ALCAM: variants seen among roughly 807,000 people sequenced by gnomAD.
ALCAM encodes the protein activated leukocyte cell adhesion molecule.
ALCAM carries 30 observed loss-of-function variants against 70.9 expected under a neutral mutation model. That is an observed-to-expected ratio of 0.42 (90% confidence interval 0.32 to 0.57). The LOEUF (loss-of-function observed/expected upper bound fraction) is 0.57. Ranked by LOEUF, ALCAM falls within the 20% of genes least tolerant of loss-of-function variation. The probability of loss-of-function intolerance (pLI) is 0.11; values close to 1 mark genes in which losing one functional copy is unlikely to be tolerated. For missense variants in ALCAM, 591 were observed against 695.1 expected (o/e 0.85, Z 1.68); for synonymous variants, 249 against 242.5 (o/e 1.03, Z -0.25).
chr3:105,532,136 C>A (rs1460633126), intron 4 of ALCAM, 70 bp downstream of exon 4: 2 of 1,278,882 alleles, frequency 1.6e-6, no homozygotes, highest in African/African-American at 1.5e-5. Context: ...ACCTTACATT[C>A]CAAGACAAGT....
chr3:105,397,713 C>T (rs1935989868), intron 1 of ALCAM, among the ~76,000 whole-genome samples: 1 of 151,946 alleles, frequency 6.6e-6, no homozygotes, highest in African/African-American at 2.4e-5. Context: ...TTAAAGAACA[C>T]TTTGTTTTCC....
Position 105,398,720 on chromosome 3 carries a change from T to C in ALCAM, c.73+31239T>C, listed in dbSNP as rs1224347837. On this transcript the variant is annotated intron_variant, in intron 1 of 15. Coordinates refer to ENST00000306107, the MANE Select transcript of ALCAM (RefSeq NM_001627.4). Reference sequence around the variant, plus strand: ...GTCATATCTTTTGTACCCTAAACCATTAACCATAGCATGTTTAGGAGAGCC... The same window carrying C: ...GTCATATCTTTTGTACCCTAAACCACTAACCATAGCATGTTTAGGAGAGCC... Among the ~76,000 whole-genome samples, 6 of 152,138 alleles carry C rather than the reference T, an allele frequency of 3.9e-5. No individual in the cohort carries two copies. The East Asian group carries it at 1.2e-3, about 29-fold the overall frequency.
intron 1 of ALCAM, among the ~76,000 whole-genome samples, chr3:105,398,826 G>A (rs1407156651): frequency 1.3e-5 from 2 of 151,716 alleles, no homozygotes; most frequent in African/African-American, 2.4e-5. Context: ...ACTGGAGATT[G>A]CTTGTTGCTT....
At chr3:105,574,214 T>A (rs573970323) in intron 15 of ALCAM, among the ~76,000 whole-genome samples, 2 of 151,970 alleles carry the variant, frequency 1.3e-5, no homozygotes, top group Non-Finnish European at 2.9e-5. Flanking sequence ...TAAAGAGAAA[T>A]GCAATGAAAT....
At chr3:105,379,368 A>G (rs1389138880) in intron 1 of ALCAM, among the ~76,000 whole-genome samples, 3 of 151,914 alleles carry the variant, frequency 2.0e-5, no homozygotes, top group Admixed American at 6.6e-5. Context: ...ATATTTTATT[A>G]GAATGTTTCA....
chr3:105,425,540 A>G (rs920537201), intron 1 of ALCAM, among the ~76,000 whole-genome samples: 1 of 151,970 alleles, frequency 6.6e-6, no homozygotes, highest in East Asian at 1.9e-4. Flanking sequence ...ATTGCACTGT[A>G]AAAATCATAT....
At chr3:105,443,675 A>G (rs1371631540) in intron 1 of ALCAM, among the ~76,000 whole-genome samples, 2 of 152,248 alleles carry the variant, frequency 1.3e-5, no homozygotes, top group Non-Finnish European at 2.9e-5. Flanking sequence ...ACAAATGTAG[A>G]ACTAAATTTC....
chr3:105,411,398 C>G (rs1420531638), intron 1 of ALCAM, among the ~76,000 whole-genome samples: 1 of 151,904 alleles, frequency 6.6e-6, no homozygotes. Flanking sequence ...GCAGAAGTAG[C>G]AGTAGAAATA....
At chr3:105,570,740 GT>G in intron 14 of ALCAM, among the ~76,000 whole-genome samples, 1 of 152,296 alleles carries the variant, frequency 6.6e-6, no homozygotes, top group Admixed American at 6.5e-5. Context: ...ATACATGAAT[GT>G]CACAAACTTA....
At chr3:105,518,057 A>C (rs1347076393) in intron 1 of ALCAM, among the ~76,000 whole-genome samples, 1 of 152,118 alleles carries the variant, frequency 6.6e-6, no homozygotes. Flanking sequence ...TCTATAGAGA[A>C]GAGAAAAGAA....
At chr3:105,460,777 A>G (rs1937591350) in intron 1 of ALCAM, among the ~76,000 whole-genome samples, 1 of 151,964 alleles carries the variant, frequency 6.6e-6, no homozygotes, top group South Asian at 2.1e-4. Context: ...TGGCTTTTCA[A>G]TTTTTAATTA....
intron 1 of ALCAM, among the ~76,000 whole-genome samples, chr3:105,500,679 G>T (rs968249958): frequency 1.3e-5 from 2 of 152,090 alleles, no homozygotes; most frequent in Admixed American, 1.3e-4. Context: ...AGAGTCACAA[G>T]AGTCATTTCC....
At chr3:105,485,399 G>T (rs183587296) in intron 1 of ALCAM, among the ~76,000 whole-genome samples, 1 of 151,550 alleles carries the variant, frequency 6.6e-6, no homozygotes, top group South Asian at 2.1e-4. Context: ...GTGTGTGTGC[G>T]CGCACATCCA....
intron 1 of ALCAM, among the ~76,000 whole-genome samples, chr3:105,496,823 T>C (rs1938752248): frequency 7.4e-6 from 1 of 134,684 alleles, no homozygotes; most frequent in Admixed American, 7.2e-5. Flanking sequence ...GATAGTCCAA[T>C]TGAGGTGTGT....
intron 1 of ALCAM, among the ~76,000 whole-genome samples, chr3:105,423,958 G>C (rs1328212853): frequency 6.6e-6 from 1 of 151,464 alleles, no homozygotes; most frequent in East Asian, 1.9e-4. Context: ...TGTTTTTAAT[G>C]TATATTTTCA....
intron 14 of ALCAM, among the ~76,000 whole-genome samples, chr3:105,570,799 G>T (rs921846384): frequency 2.6e-5 from 4 of 152,164 alleles, no homozygotes; most frequent in Non-Finnish European, 4.4e-5. Flanking sequence ...AATCTGAGAT[G>T]ATTCCATTTA....
At chr3:105,543,992 C>T (rs1487944416) in intron 8 of ALCAM, among the ~76,000 whole-genome samples, 1 of 151,598 alleles carries the variant, frequency 6.6e-6, no homozygotes, top group African/African-American at 2.4e-5. Context: ...AATCACTACC[C>T]TCATGGTGCT....
intron 1 of ALCAM, among the ~76,000 whole-genome samples, chr3:105,495,568 A>C (rs1046334323): frequency 1.3e-5 from 2 of 152,256 alleles, no homozygotes; most frequent in African/African-American, 4.8e-5. Flanking sequence ...AACAAGTTTT[A>C]AAATAGATAA....
In ALCAM at chr3:105,534,657, C is replaced by T; in HGVS notation, c.548-6C>T. ...CCCTATCATCAGTGTTCTTTATTTT[C>T]TTCAGCGGTGGTCATAATTTTTAAA... On this transcript the variant is annotated splice_polypyrimidine_tract_variant and splice_region_variant and intron_variant, in intron 5 of 15. Transcript: ENST00000306107. 6.2e-7 allele frequency: 1 copy of T among 1,613,008 alleles called. No individual in the cohort carries two copies. The highest frequency in any genetic ancestry group is 8.5e-7 in the Non-Finnish European group (1 of 1,179,176).
Sources: allele counts gnomAD v4.1 joint callset (sites outside exome capture counted in the v4.1 genomes callset), GRCh38; gene constraint gnomAD v4.1.1; transcripts MANE v1.5; gene names NCBI Gene and HGNC (gene_info 2026-07-23, HGNC 2026-07-21).